The following PHACTR1 variants were observed in gnomAD, a reference collection of about 807,000 sequenced individuals.
PHACTR1 encodes the protein phosphatase and actin regulator 1.
Under a neutral mutation model 69.2 loss-of-function variants are expected in PHACTR1, and 16 were observed. The ratio of observed to expected loss-of-function variants is 0.23; its 90% CI spans 0.16 to 0.35. PHACTR1 has a LOEUF of 0.35. Ranked by LOEUF, PHACTR1 falls within the 10% of genes least tolerant of loss-of-function variation. The pLI is 1.00. For synonymous variants in PHACTR1, 312 were observed against 284.5 expected (o/e 1.10, Z -0.97); for missense variants, 510 against 734.7 (o/e 0.69, Z 3.54).
intron 10 of PHACTR1, among the ~76,000 whole-genome samples, chr6:13,234,312 A>G (rs1463637926): frequency 6.6e-6 from 1 of 152,332 alleles, no homozygotes; most frequent in South Asian, 2.1e-4. Context: ...TGTGCAAAAT[A>G]TGTGCTTTAT....
chr6:13,217,770 A>G (rs1265466881), intron 8 of PHACTR1, among the ~76,000 whole-genome samples: 1 of 152,262 alleles, frequency 6.6e-6, no homozygotes, highest in Non-Finnish European at 1.5e-5. Context: ...ATCCTAGGCC[A>G]TGATAAACCA....
At chr6:13,158,864 A>G (rs1758568758) in intron 5 of PHACTR1, among the ~76,000 whole-genome samples, 1 of 152,200 alleles carries the variant, frequency 6.6e-6, no homozygotes, top group South Asian at 2.1e-4. Context: ...CGTTGAGGGC[A>G]GTGTGTGTTT....
intron 4 of PHACTR1, among the ~76,000 whole-genome samples, chr6:13,005,213 A>T (rs1798640337): frequency 6.7e-6 from 1 of 150,284 alleles, no homozygotes; most frequent in Admixed American, 6.6e-5. Context: ...TTTTTTAGAC[A>T]AGTTCTCACC....
intron 9 of PHACTR1, among the ~76,000 whole-genome samples, chr6:13,228,964 C>G (rs1245434752): frequency 6.6e-6 from 1 of 152,188 alleles, no homozygotes; most frequent in Non-Finnish European, 1.5e-5. Flanking sequence ...GGCGTTTTCT[C>G]TCGCTCTCTA....
At chr6:12,955,785 A>G (rs1791820009) in intron 4 of PHACTR1, among the ~76,000 whole-genome samples, 1 of 152,050 alleles carries the variant, frequency 6.6e-6, no homozygotes, top group Non-Finnish European at 1.5e-5. Flanking sequence ...ACACATTAAT[A>G]TTTTTCTCAT....
At chr6:13,234,608 A>G (rs995874426) in intron 10 of PHACTR1, among the ~76,000 whole-genome samples, 7 of 152,224 alleles carry the variant, frequency 4.6e-5, no homozygotes, top group African/African-American at 1.7e-4. Context: ...ACCAAGTAAA[A>G]TGATGTCAAC....
intron 4 of PHACTR1, among the ~76,000 whole-genome samples, chr6:12,904,364 T>A (rs1785500403): frequency 6.6e-6 from 1 of 151,796 alleles, no homozygotes; most frequent in African/African-American, 2.4e-5. Flanking sequence ...AAACCCCATC[T>A]CTACTAAAAA....
chr6:13,265,203 G>A (rs189621717), intron 10 of PHACTR1, among the ~76,000 whole-genome samples: 45 of 151,918 alleles, frequency 3.0e-4, no homozygotes, highest in East Asian at 3.9e-4. Flanking sequence ...TTCCTGCCAC[G>A]CCACTGAAGG....
At chr6:13,106,711 A>AT (rs1430006925) in intron 5 of PHACTR1, among the ~76,000 whole-genome samples, 1 of 151,764 alleles carries the variant, frequency 6.6e-6, no homozygotes, top group African/African-American at 2.4e-5. Context: ...AAGTTAAGGA[A>AT]TTTTTTTCAT....
chr6:12,880,502 C>T (rs1782983975), intron 4 of PHACTR1, among the ~76,000 whole-genome samples: 1 of 152,054 alleles, frequency 6.6e-6, no homozygotes, highest in South Asian at 2.1e-4. Flanking sequence ...GTGATCTGTC[C>T]ACATTGGCAT....
At chr6:12,962,550 T>TGGTAGACCTGGGCCA (rs1792888932) in intron 4 of PHACTR1, among the ~76,000 whole-genome samples, 1 of 152,204 alleles carries the variant, frequency 6.6e-6, no homozygotes, top group South Asian at 2.1e-4. Context: ...AAAGGCAGCC[T>TGGTAGACCTGGGCCA]GGTAGACCTG....
intron 5 of PHACTR1, among the ~76,000 whole-genome samples, chr6:13,121,877 A>G (rs1191590556): frequency 6.6e-6 from 1 of 152,246 alleles, no homozygotes; most frequent in East Asian, 1.9e-4. Context: ...AATCTTGGGA[A>G]CAGGGACTTA....
chr6:12,884,242 G>C, intron 4 of PHACTR1, among the ~76,000 whole-genome samples: 1 of 152,028 alleles, frequency 6.6e-6, no homozygotes, highest in East Asian at 1.9e-4. Flanking sequence ...CCCAATATCT[G>C]TCCCACTACT....
chr6:12,947,595 G>C (rs1290034094), intron 4 of PHACTR1, among the ~76,000 whole-genome samples: 1 of 152,222 alleles, frequency 6.6e-6, no homozygotes, highest in Non-Finnish European at 1.5e-5. Context: ...GTGGGAGCCA[G>C]ACGCTCCTGG....
rs547854799 is a variant in PHACTR1, at chr6:12,752,912, G to A, written c.250+3122G>A. 5.3e-5 allele frequency among the ~76,000 whole-genome samples: 8 copies of A among 152,308 alleles called. No individual in the cohort carries two copies. The East Asian group carries it at 1.3e-3, about 26-fold the overall frequency. On this transcript the variant is annotated intron_variant, in intron 4 of 14. Coordinates refer to ENST00000332995, the MANE Select transcript of PHACTR1 (RefSeq NM_030948.6). ...AGATAACAGAAATTTTCTGAACCAT[G>A]ACTTTTATTTTTCTAAGAGTCCTTT... is the stretch of plus-strand genomic sequence containing the variant.
At chr6:12,772,576 A>G (rs983615728) in intron 4 of PHACTR1, among the ~76,000 whole-genome samples, 7 of 152,160 alleles carry the variant, frequency 4.6e-5, no homozygotes, top group African/African-American at 1.7e-4. Context: ...TTCATCTGTT[A>G]AGTAACATTT....
intron 4 of PHACTR1, among the ~76,000 whole-genome samples, chr6:12,753,968 A>T (rs532586249): frequency 0.32 from 23,941 of 75,006 alleles, 2,375 homozygotes; most frequent in African/African-American, 0.46. Context: ...ATATATATAT[A>T]TATTTTTTTT....
At chr6:13,074,521 A>G (rs1810106290) in intron 5 of PHACTR1, among the ~76,000 whole-genome samples, 2 of 152,200 alleles carry the variant, frequency 1.3e-5, no homozygotes, top group African/African-American at 4.8e-5. Flanking sequence ...AACCTGGCAA[A>G]GGATAGTAAG....
intron 5 of PHACTR1, among the ~76,000 whole-genome samples, chr6:13,130,893 A>T (rs1026416788): frequency 1.3e-5 from 2 of 152,168 alleles, no homozygotes; most frequent in Non-Finnish European, 2.9e-5. Context: ...ATGAATATAG[A>T]TGCAAAAATC....
Sources: allele counts gnomAD v4.1 joint callset (sites outside exome capture counted in the v4.1 genomes callset), GRCh38; gene constraint gnomAD v4.1.1; transcripts MANE v1.5; gene names NCBI Gene and HGNC (gene_info 2026-07-23, HGNC 2026-07-21).